The following PIAS1 variants were observed in gnomAD, a reference collection of about 807,000 sequenced individuals.
PIAS1 encodes protein inhibitor of activated STAT 1.
In PIAS1, 6 loss-of-function variants were observed where a neutral mutation model predicts 71.3. That is an observed-to-expected ratio of 0.08 (90% CI 0.05 to 0.17). PIAS1 has a LOEUF of 0.17. PIAS1 is among the 10% of genes least tolerant of loss of function. The pLI is 1.00. For missense variants in PIAS1, 555 were observed against 793.6 expected (o/e 0.70, Z 3.61); for synonymous variants, 303 against 292.9 (o/e 1.03, Z -0.35).
At chr15:68,105,283 A>G (rs2092459238) in intron 2 of PIAS1, among the ~76,000 whole-genome samples, 1 of 152,160 alleles carries the variant, frequency 6.6e-6, no homozygotes, top group Admixed American at 6.5e-5. Context: ...TCTAGAATTT[A>G]TCTAGGTTAC....
chr15:68,149,881 A>G (rs1022962640), intron 6 of PIAS1, among the ~76,000 whole-genome samples: 3 of 152,150 alleles, frequency 2.0e-5, no homozygotes, highest in Non-Finnish European at 4.4e-5. Flanking sequence ...CAATGCAGGC[A>G]CTAGTGGACA....
At chr15:68,163,396 A>T (rs1044969803) in intron 7 of PIAS1, among the ~76,000 whole-genome samples, 6 of 152,212 alleles carry the variant, frequency 3.9e-5, no homozygotes, top group African/African-American at 1.4e-4. Context: ...TAAGACTTTG[A>T]AAATTTGGAA....
At chr15:68,164,617 GGGAAATAATTGA>G in intron 7 of PIAS1, 102 bp from the exon 8 acceptor site, 1 of 520,112 alleles carries the variant, frequency 1.9e-6, no homozygotes, top group Admixed American at 3.3e-5. Flanking sequence ...TCAATTGATT[GGGAAATAATTGA>G]ACAGATTTGT....
chr15:68,169,681 C>G (rs2092979149), intron 8 of PIAS1, among the ~76,000 whole-genome samples: 1 of 152,070 alleles, frequency 6.6e-6, no homozygotes. Context: ...CTTTGTGAGC[C>G]CAGAGTAAAA....
At chr15:68,143,712 A>G (rs142503817) in intron 4 of PIAS1, among the ~76,000 whole-genome samples, 1 of 152,210 alleles carries the variant, frequency 6.6e-6, no homozygotes, top group East Asian at 1.9e-4. Context: ...TTGTGCTGAT[A>G]CTTGACATTA....
At chr15:68,113,865 A>C (rs1197783876) in intron 2 of PIAS1, among the ~76,000 whole-genome samples, 1 of 152,102 alleles carries the variant, frequency 6.6e-6, no homozygotes, top group African/African-American at 2.4e-5. Flanking sequence ...TAGTATAGGT[A>C]ATTTCTGTAT....
At chr15:68,063,384 A>G in intron 1 of PIAS1, among the ~76,000 whole-genome samples, 1 of 152,206 alleles carries the variant, frequency 6.6e-6, no homozygotes, top group East Asian at 1.9e-4. Context: ...CTCATATGTT[A>G]AAATCATCAT....
chr15:68,122,784 A>G (rs2092622457), intron 2 of PIAS1, among the ~76,000 whole-genome samples: 1 of 152,176 alleles, frequency 6.6e-6, no homozygotes, highest in Non-Finnish European at 1.5e-5. Context: ...TATTATATAT[A>G]CCCAAAATAC....
At chr15:68,055,243 G>A (rs908791857) in intron 1 of PIAS1, 2 of 982,188 alleles carry the variant, frequency 2.0e-6, no homozygotes, top group South Asian at 9.4e-5. Context: ...TGAATGGTTC[G>A]TGTTTATATC....
Position 68,160,848 on chromosome 15 carries a change from T to C in PIAS1, c.935-3883T>C, listed in dbSNP as rs1036140046. ...CAAAAAGTCTACACTACAGCTGATA[T>C]CATCACTAATGGTCTAAAACTTGAA... is the stretch of plus-strand genomic sequence containing the variant. On this transcript the variant is annotated intron_variant, in intron 7 of 13. Transcript: ENST00000249636. 1.1e-3 allele frequency among the ~76,000 whole-genome samples: 164 copies of C among 152,298 alleles called. 1 individual carries two copies. The highest frequency in any genetic ancestry group is 3.8e-3 in the African/African-American group (160 of 41,564).
chr15:68,178,016 G>A lies in PIAS1; in HGVS notation c.1481+1362G>A, dbSNP rs1176508954. ...TCAAGAGCAGGCATTTCTGTGCCTG[G>A]AGTCAAATCATTTTCAGGTTTGACA... On this transcript the variant is annotated intron_variant, in intron 11 of 13. Coordinates refer to ENST00000249636, the MANE Select transcript of PIAS1 (RefSeq NM_016166.3). This position sits in a 1 kb window ranked among gnomAD's most constrained non-coding sequence, Gnocchi z 4.2. Among the ~76,000 whole-genome samples, 1 of 152,170 alleles carries A rather than the reference G, an allele frequency of 6.6e-6. No homozygotes were observed. The highest frequency in any genetic ancestry group is 1.9e-4 in the East Asian group (1 of 5,190).
rs765190517 is a variant in PIAS1, at chr15:68,054,370, C to A, written c.24+20C>A. 2 of 1,567,156 alleles carry A rather than the reference C, an allele frequency of 1.3e-6. No homozygotes were observed. Among genetic ancestry groups the A allele is most frequent in the Admixed American group, 3.7e-5 (2 of 53,564 alleles). On this transcript the variant is annotated intron_variant, in intron 1 of 13. Transcript: ENST00000249636. The surrounding 1 kb of genome is among the most constrained non-coding windows in gnomAD (Gnocchi z 4.6). Reference sequence around the variant, plus strand: ...CTAAAGGTAAAGCGCAGCTCGAATTCACTTCTAATATTCGGCCGCGGAGAC... The same window carrying A: ...CTAAAGGTAAAGCGCAGCTCGAATTAACTTCTAATATTCGGCCGCGGAGAC...
Position 68,173,884 on chromosome 15 carries a change from T to G in PIAS1, c.1161T>G (p.Ile387Met). The G allele has an allele frequency of 6.5e-7, 1 of 1,534,692 alleles. No homozygotes were observed. Among genetic ancestry groups the G allele is most frequent in the Non-Finnish European group, 8.9e-7 (1 of 1,129,112 alleles). Reference protein sequence around the residue: ...CDKKAPYEHLIIDGLFMEILK... With the variant: ...CDKKAPYEHLMIDGLFMEILK... ...AGAAGGCTCCATATGAACACCTTAT[T>G]ATTGATGGGTATGTTACTTTAAGTG... is the stretch of plus-strand genomic sequence containing the variant. The change falls in exon 9 of 14, where the codon ATT becomes ATG. Residue 387 changes from isoleucine (I) to methionine (M), a missense_variant. Transcript: ENST00000249636. The surrounding 1 kb of genome is among the most constrained non-coding windows in gnomAD (Gnocchi z 4.3).
chr15:68,063,020 C>T (rs1330561899), intron 1 of PIAS1, among the ~76,000 whole-genome samples: 4 of 129,016 alleles, frequency 3.1e-5, no homozygotes, highest in African/African-American at 5.5e-5. Flanking sequence ...TTGCTATACA[C>T]TACTGGTTTT....
chr15:68,113,976 T>C (rs974671395), intron 2 of PIAS1, among the ~76,000 whole-genome samples: 1 of 151,828 alleles, frequency 6.6e-6, no homozygotes, highest in Non-Finnish European at 1.5e-5. Context: ...AATCTAGCAA[T>C]AGGATCTCTC....
At chr15:68,127,725 G>A (rs987594717) in intron 2 of PIAS1, among the ~76,000 whole-genome samples, 3 of 152,016 alleles carry the variant, frequency 2.0e-5, no homozygotes, top group Non-Finnish European at 4.4e-5. Context: ...TCTCTACCAA[G>A]ACCACTTTTT....
rs1045611867 is a variant in PIAS1, at chr15:68,190,789, C to T, written c.*2954C>T. On this transcript the variant is annotated 3_prime_UTR_variant, in exon 14 of 14. Coordinates refer to ENST00000249636, the MANE Select transcript of PIAS1 (RefSeq NM_016166.3). The surrounding 1 kb of genome is among the most constrained non-coding windows in gnomAD (Gnocchi z 4.7). ...AAAAAAATCTGAACCAGAACCATGC[C>T]ATACTTGGTTGACTATTTTGAGCAT... 2.6e-5 allele frequency: 4 copies of T among 151,846 alleles called. No individual in the cohort carries two copies. Among genetic ancestry groups the T allele is most frequent in the Non-Finnish European group, 5.9e-5 (4 of 67,992 alleles). The allele number at this position is 151,846 out of a possible 1,614,324, so 9.4% of individuals were successfully genotyped here.
intron 2 of PIAS1, among the ~76,000 whole-genome samples, chr15:68,119,397 A>G (rs1033552718): frequency 2.6e-5 from 4 of 151,892 alleles, no homozygotes. Context: ...GTGAGCCAAG[A>G]TCATGCCACT....
At chr15:68,074,851 T>C (rs2092140433) in intron 1 of PIAS1, among the ~76,000 whole-genome samples, 1 of 151,806 alleles carries the variant, frequency 6.6e-6, no homozygotes, top group African/African-American at 2.4e-5. Flanking sequence ...TTTTTTTTTT[T>C]CTTTTTGCTT....
Sources: gnomAD v4.1 joint callset for allele counts (sites outside exome capture counted in the v4.1 genomes callset) on GRCh38, gnomAD v4.1.1 for gene constraint, Gnocchi (gnomAD v3.1) non-coding constraint, MANE v1.5 for transcripts, NCBI Gene and HGNC (gene_info 2026-07-23, HGNC 2026-07-21) for gene names.